The following ZNF638 variants were observed in gnomAD, a reference collection of about 807,000 sequenced individuals.
ZNF638 encodes the protein CTCL tumor antigen se33-1.
In ZNF638, 46 loss-of-function variants were observed where a neutral mutation model predicts 195.6. The observed-to-expected ratio is 0.24, with a 90% CI of 0.19 to 0.30. The LOEUF (loss-of-function observed/expected upper bound fraction) is 0.30, where lower values mean the gene tolerates loss of function less well. ZNF638 is among the 10% of genes least tolerant of loss of function. The pLI, the probability that ZNF638 is intolerant of heterozygous loss-of-function variation, is 1.00. For synonymous variants in ZNF638, 845 were observed against 772.0 expected (o/e 1.09, Z -1.57); for missense variants, 2,440 against 2,325.3 (o/e 1.05, Z -1.01).
At chr2:71,384,681 TC>T (rs35170524) in intron 10 of ZNF638, among the ~76,000 whole-genome samples, 15,021 of 152,236 alleles carry the variant, frequency 0.099, 804 homozygotes, top group Non-Finnish European at 0.12. Flanking sequence ...ACTTCCTTGA[TC>T]GAATGATTTT....
At chr2:71,390,976 A>G (rs867695347) in intron 10 of ZNF638, among the ~76,000 whole-genome samples, 8 of 152,190 alleles carry the variant, frequency 5.3e-5, no homozygotes, top group Admixed American at 1.3e-4. Context: ...CACTGTTGTT[A>G]TTCTTCCCCT....
chr2:71,351,084 C>G (rs1450524136), intron 2 of ZNF638, among the ~76,000 whole-genome samples: 1 of 152,116 alleles, frequency 6.6e-6, no homozygotes, highest in East Asian at 1.9e-4. Flanking sequence ...ACTGTTTCTT[C>G]TATTTACTAA....
intron 20 of ZNF638, 169 bp downstream of exon 20, chr2:71,408,416 A>G (rs1036162206): frequency 2.4e-6 from 2 of 824,412 alleles, no homozygotes; most frequent in East Asian, 6.0e-5. Context: ...AAATTTGTCT[A>G]AATGAGAATA....
chr2:71,424,561 G>GTTT, intron 22 of ZNF638, 89 bp from the exon 23 acceptor site: 2 of 1,021,878 alleles, frequency 2.0e-6, no homozygotes, highest in Non-Finnish European at 1.5e-6. Flanking sequence ...AATGTTTACT[G>GTTT]TTTTTTTTTG....
intron 8 of ZNF638, among the ~76,000 whole-genome samples, chr2:71,372,986 C>A (rs919245918): frequency 6.6e-6 from 1 of 152,136 alleles, no homozygotes; most frequent in Non-Finnish European, 1.5e-5. Flanking sequence ...CCTTCACAGG[C>A]CATCTTTTGA....
intron 8 of ZNF638, chr2:71,375,977 G>A (rs1480025242): frequency 6.6e-6 from 1 of 152,192 alleles, no homozygotes; most frequent in Non-Finnish European, 1.5e-5. Context: ...GAATTGTTGA[G>A]AAGGCCAGTT....
chr2:71,367,432 T>TA, intron 6 of ZNF638, among the ~76,000 whole-genome samples: 1 of 11,808 alleles, frequency 8.5e-5, no homozygotes, highest in African/African-American at 1.6e-4. Flanking sequence ...GGTGTTTTAA[T>TA]TTTTTTTTTT....
intron 1 of ZNF638, among the ~76,000 whole-genome samples, chr2:71,338,111 T>G (rs1367819304): frequency 6.6e-6 from 1 of 152,212 alleles, no homozygotes; most frequent in Non-Finnish European, 1.5e-5. Flanking sequence ...GAGCATATGC[T>G]ATGGTTAAAG....
intron 20 of ZNF638, among the ~76,000 whole-genome samples, chr2:71,410,977 A>ACCCC (rs1385563930): frequency 2.3e-5 from 1 of 43,064 alleles, no homozygotes; most frequent in Non-Finnish European, 4.1e-5. Context: ...CTCCCCACCC[A>ACCCC]CCACCTCCCC....
chr2:71,431,226 A>T, intron 25 of ZNF638, 101 bp from the exon 26 acceptor site: 1 of 941,266 alleles, frequency 1.1e-6, no homozygotes, highest in Non-Finnish European at 1.6e-6. Context: ...TAACAAAGGG[A>T]GGTTTTCCCT....
At chr2:71,409,949 A>G (rs1043802660) in intron 20 of ZNF638, among the ~76,000 whole-genome samples, 2 of 152,178 alleles carry the variant, frequency 1.3e-5, no homozygotes, top group African/African-American at 2.4e-5. Flanking sequence ...ATGTGGAGGC[A>G]GTACATTTTC....
At chr2:71,379,918 G>T in intron 8 of ZNF638, 1 of 170,564 alleles carries the variant, frequency 5.9e-6, no homozygotes, top group Non-Finnish European at 1.2e-5. Context: ...AAACTTTCAT[G>T]TATATACAGG....
At chr2:71,352,804 G>A (rs946773851) in intron 2 of ZNF638, among the ~76,000 whole-genome samples, 1 of 152,124 alleles carries the variant, frequency 6.6e-6, no homozygotes, top group Non-Finnish European at 1.5e-5. Context: ...CCACTTGGAA[G>A]CTTCTTTAAT....
At position 71,426,822 on chromosome 2, in the gene ZNF638, A is replaced by C; in HGVS notation, c.4953A>C (p.Gln1651His). The change falls in exon 24 of 28, where the codon CAA (glutamine) becomes CAC (histidine). Residue 1651 changes from glutamine (Q) to histidine (H), a missense_variant. Around this residue, in one of 5 missense-constraint regions of ZNF638, gnomAD observed 1,883 missense variants for 1,739.1 expected, o/e 1.08. Transcript: ENST00000264447. ...SLFTLDELID[Q>H]DDCISHSEPK... is the part of the protein sequence containing the mutation. Reference sequence around the variant, plus strand: ...TTACATTAGATGAATTAATTGACCAAGATGATTGCATTTCCCACAGTGAAC... The same window carrying C: ...TTACATTAGATGAATTAATTGACCACGATGATTGCATTTCCCACAGTGAAC... 6.2e-7 allele frequency: 1 copy of C among 1,613,476 alleles called. No homozygotes were observed.
intron 8 of ZNF638, chr2:71,374,094 G>A (rs1355783663): frequency 6.6e-6 from 1 of 152,274 alleles, no homozygotes; most frequent in South Asian, 2.1e-4. Context: ...CCGAAGTGTT[G>A]GGATTACAGG....
At position 71,408,471 on chromosome 2, in the gene ZNF638, A is replaced by C; in HGVS notation, c.3261+224A>C. 8.5e-6 allele frequency: 4 copies of C among 470,144 alleles called. No individual in the cohort carries two copies. In the South Asian group the frequency reaches 1.1e-4, roughly 13 times the overall value. 29.1% of individuals were successfully genotyped at this position (470,144 alleles called of 1,614,324 possible). A position where few individuals can be genotyped will look rare whatever the true frequency, so the allele number is the denominator to read the frequency against. ...AACATATATGCATTTTTGAATACTT[A>C]CTGTTGACATGTAGGTATCTACATT... On this transcript the variant is annotated intron_variant, in intron 20 of 27. Transcript: ENST00000264447.
chr2:71,409,844 AGT>A, intron 20 of ZNF638, among the ~76,000 whole-genome samples: 1 of 152,004 alleles, frequency 6.6e-6, no homozygotes, highest in Admixed American at 6.5e-5. Flanking sequence ...TGTTTTTCTG[AGT>A]CATGTCTGTT....
chr2:71,390,397 G>C (rs933328324), intron 10 of ZNF638, among the ~76,000 whole-genome samples: 1 of 152,212 alleles, frequency 6.6e-6, no homozygotes, highest in Non-Finnish European at 1.5e-5. Context: ...GGGGCCCACT[G>C]CCTCCAGAAC....
At chr2:71,419,720 A>AT (rs147602576) in intron 21 of ZNF638, among the ~76,000 whole-genome samples, 1 of 152,276 alleles carries the variant, frequency 6.6e-6, no homozygotes, top group Non-Finnish European at 1.5e-5. Context: ...AGTACTATAT[A>AT]TATAGACCTA....
Sources: allele counts gnomAD v4.1 joint callset (sites outside exome capture counted in the v4.1 genomes callset), GRCh38; gene constraint gnomAD v4.1.1; regional missense constraint gnomAD v4.1.1; transcripts MANE v1.5; gene names NCBI Gene and HGNC (gene_info 2026-07-23, HGNC 2026-07-21).